PAWR: variants seen among roughly 807,000 people sequenced by gnomAD.
PAWR encodes the protein pro-apoptotic WT1 regulator, also known as PRKC apoptosis WT1 regulator protein.
A neutral mutation model predicts 32.0 loss-of-function variants in PAWR; 23 were observed. The ratio of observed to expected loss-of-function variants is 0.72; its 90% CI spans 0.52 to 1.02. The LOEUF is 1.02. PAWR is among the 50% of genes least tolerant of loss of function. The pLI, the probability that PAWR is intolerant of heterozygous loss-of-function variation, is 0.00. For missense variants in PAWR, 457 were observed against 437.7 expected (o/e 1.04, Z -0.39); for synonymous variants, 226 against 187.1 (o/e 1.21, Z -1.70).
intron 2 of PAWR, 100 bp from the exon 3 acceptor site, chr12:79,621,307 T>C (rs1394601025): frequency 1.1e-6 from 1 of 880,500 alleles, no homozygotes; most frequent in Non-Finnish European, 1.7e-6. Context: ...TATTTGTGCA[T>C]TCAGAAATTA....
rs924894854 is a variant in PAWR, at chr12:79,590,386, A to C, written c.*2221T>G. On this transcript the variant is annotated 3_prime_UTR_variant, in exon 7 of 7. Transcript: ENST00000328827. Reference sequence around the variant, plus strand: ...CTGGCTAATTTTGTATTTTTAGTAGAGACGGGGTTTCTCCATGTTGGTCAA... The same window carrying C: ...CTGGCTAATTTTGTATTTTTAGTAGCGACGGGGTTTCTCCATGTTGGTCAA... 2 of 151,988 alleles carry C rather than the reference A, an allele frequency of 1.3e-5. No individual in the cohort carries two copies. Among genetic ancestry groups the C allele is most frequent in the African/African-American group, 4.8e-5 (2 of 41,356 alleles). 9.4% of individuals were successfully genotyped at this position (151,988 alleles called of 1,614,324 possible). A position where few individuals can be genotyped will look rare whatever the true frequency, so the allele number is the denominator to read the frequency against.
intron 2 of PAWR, among the ~76,000 whole-genome samples, chr12:79,639,904 T>C (rs1208718998): frequency 1.6e-5 from 2 of 127,748 alleles, no homozygotes; most frequent in African/African-American, 1.1e-4. Context: ...TCCATTCCAT[T>C]CCATTCCATT....
At chr12:79,632,340 TA>T (rs1566011032) in intron 2 of PAWR, among the ~76,000 whole-genome samples, 9 of 61,736 alleles carry the variant, frequency 1.5e-4, no homozygotes, top group African/African-American at 7.9e-4. Flanking sequence ...TATATATATA[TA>T]TATATATATA....
intron 2 of PAWR, among the ~76,000 whole-genome samples, chr12:79,685,943 G>C (rs1246958812): frequency 6.6e-6 from 1 of 152,068 alleles, no homozygotes; most frequent in African/African-American, 2.4e-5. Flanking sequence ...CTTTCTATGT[G>C]ATCTTGAATC....
intron 4 of PAWR, among the ~76,000 whole-genome samples, chr12:79,611,258 A>G (rs1027641979): frequency 6.8e-6 from 1 of 146,592 alleles, no homozygotes; most frequent in Non-Finnish European, 1.5e-5. Context: ...TATTATATAT[A>G]TTTATATATA....
At chr12:79,682,327 T>C (rs541138456) in intron 2 of PAWR, among the ~76,000 whole-genome samples, 1 of 152,290 alleles carries the variant, frequency 6.6e-6, no homozygotes, top group Non-Finnish European at 1.5e-5. Context: ...CCACAGAATT[T>C]ATTATGAAGA....
At chr12:79,601,792 T>A (rs905867798) in intron 4 of PAWR, among the ~76,000 whole-genome samples, 1 of 152,194 alleles carries the variant, frequency 6.6e-6, no homozygotes, top group Non-Finnish European at 1.5e-5. Flanking sequence ...GATTCAAAGA[T>A]CTAGTTCTAA....
At chr12:79,623,718 T>A (rs1443434161) in intron 2 of PAWR, among the ~76,000 whole-genome samples, 1 of 152,052 alleles carries the variant, frequency 6.6e-6, no homozygotes, top group Admixed American at 6.6e-5. Flanking sequence ...ACACATAAAT[T>A]AAAATTCCAA....
chr12:79,679,640 A>G (rs1878343013), intron 2 of PAWR, among the ~76,000 whole-genome samples: 1 of 152,214 alleles, frequency 6.6e-6, no homozygotes, highest in African/African-American at 2.4e-5. Context: ...CGGCAGTAGT[A>G]TTAGCCTGGT....
chr12:79,652,900 AAT>A (rs1876915099), intron 2 of PAWR, among the ~76,000 whole-genome samples: 1 of 152,246 alleles, frequency 6.6e-6, no homozygotes, highest in Non-Finnish European at 1.5e-5. Context: ...TTCAATTAAA[AAT>A]ATAGTTTTCT....
Position 79,592,618 on chromosome 12 carries a change from G to T in PAWR, c.1012C>A (p.Leu338Met), listed in dbSNP as rs766206970. The T allele has an allele frequency of 3.9e-6, 3 of 767,404 alleles. No homozygotes were observed. The highest frequency in any genetic ancestry group is 1.7e-5 in the African/African-American group (1 of 58,152). The allele number at this position is 767,404 out of a possible 1,614,324, so 47.5% of individuals were successfully genotyped here. A position where few individuals can be genotyped will look rare whatever the true frequency, so the allele number is the denominator to read the frequency against. ...GAGTCTTGAATCCTCTACCTGGTCA[G>T]CTGACCCACAACTTTCAAAAGAGTT... ...NKTLLKVVGQ[L>M]TR Residue 338 changes from leucine (L) to methionine (M), a missense_variant, in exon 7 of 7, where the codon CTG becomes ATG. Physicochemically the swap from Leu to Met is conservative, Grantham distance 15 (BLOSUM62 2). Coordinates refer to ENST00000328827, the MANE Select transcript of PAWR (RefSeq NM_002583.4).
chr12:79,597,372 C>A (rs1339917721), intron 4 of PAWR, among the ~76,000 whole-genome samples: 2 of 152,060 alleles, frequency 1.3e-5, no homozygotes, highest in Non-Finnish European at 2.9e-5. Flanking sequence ...CCTAGATCGC[C>A]CAGACTATGT....
At chr12:79,678,265 G>A (rs918180833) in intron 2 of PAWR, among the ~76,000 whole-genome samples, 2 of 152,168 alleles carry the variant, frequency 1.3e-5, no homozygotes, top group African/African-American at 4.8e-5. Flanking sequence ...AAACAGATAT[G>A]GACAGAGGAA....
intron 2 of PAWR, among the ~76,000 whole-genome samples, chr12:79,654,256 G>A (rs962211892): frequency 6.6e-6 from 1 of 152,144 alleles, no homozygotes; most frequent in African/African-American, 2.4e-5. Context: ...AAAGTGTGGG[G>A]GAGTTAGGGG....
chr12:79,668,805 T>C (rs531799675), intron 2 of PAWR, among the ~76,000 whole-genome samples: 1 of 152,196 alleles, frequency 6.6e-6, no homozygotes, highest in African/African-American at 2.4e-5. Context: ...TAACAAGTCA[T>C]GGACCAGTAC....
At chr12:79,647,173 CA>C (rs11319978) in intron 2 of PAWR, among the ~76,000 whole-genome samples, 26,090 of 82,330 alleles carry the variant, frequency 0.32, 6,721 homozygotes, top group African/African-American at 0.68. Context: ...GACTCCATTT[CA>C]AAAAAAAAAA....
chr12:79,627,465 A>T (rs1592512042), intron 2 of PAWR, among the ~76,000 whole-genome samples: 1 of 151,976 alleles, frequency 6.6e-6, no homozygotes, highest in South Asian at 2.1e-4. Context: ...AATTTGTTTG[A>T]GTTCATTGTA....
In PAWR at chr12:79,586,267, T is replaced by C. The variant is rs1873383729; in HGVS notation, c.*6340A>G. On this transcript the variant is annotated 3_prime_UTR_variant, in exon 7 of 7. Transcript: ENST00000328827. ...AGTTTTTCAACTTTTCTCAATACTATCAGATGAATGTATTCTTACCAATCA... is the reference window on the plus strand; with the variant it reads ...AGTTTTTCAACTTTTCTCAATACTACCAGATGAATGTATTCTTACCAATCA... The C allele has an allele frequency of 6.6e-6, 1 of 152,638 alleles. No individual in the cohort carries two copies. The highest frequency in any genetic ancestry group is 2.4e-5 in the African/African-American group (1 of 41,452). 9.5% of individuals were successfully genotyped at this position (152,638 alleles called of 1,614,324 possible).
At chr12:79,609,209 GAAAT>G (rs1056153654) in intron 4 of PAWR, among the ~76,000 whole-genome samples, 2 of 152,148 alleles carry the variant, frequency 1.3e-5, no homozygotes, top group South Asian at 2.1e-4. Flanking sequence ...CAACAGCTAA[GAAAT>G]AAATAAATAC....
Sources: allele counts gnomAD v4.1 joint callset (sites outside exome capture counted in the v4.1 genomes callset), GRCh38; gene constraint gnomAD v4.1.1; transcripts MANE v1.5; gene names NCBI Gene and HGNC (gene_info 2026-07-23, HGNC 2026-07-21).